YARS2: variants seen among roughly 807,000 people sequenced by gnomAD.
YARS2 encodes the protein tyrosyl-tRNA synthetase 2, also known as tyrosine--tRNA ligase, mitochondrial.
A neutral mutation model predicts 45.0 loss-of-function variants in YARS2; 38 were observed. That is an observed-to-expected ratio of 0.84 (90% CI 0.65 to 1.11). The LOEUF (loss-of-function observed/expected upper bound fraction) is 1.11, where lower values mean the gene tolerates loss of function less well. Among genes scored for constraint, YARS2 ranks in the 50% least tolerant of loss-of-function variants. The pLI is 0.00. For missense variants in YARS2, 602 were observed against 599.8 expected (o/e 1.00, Z -0.04); for synonymous variants, 287 against 245.1 (o/e 1.17, Z -1.60).
intron 4 of YARS2, among the ~76,000 whole-genome samples, chr12:32,748,798 A>T (rs897672143): frequency 6.8e-6 from 1 of 147,552 alleles, no homozygotes; most frequent in African/African-American, 2.5e-5. Context: ...AAGACAGTTG[A>T]AAGAGAACAA....
intron 2 of YARS2, among the ~76,000 whole-genome samples, chr12:32,753,517 T>C (rs1955788522): frequency 6.6e-6 from 1 of 152,194 alleles, no homozygotes; most frequent in Non-Finnish European, 1.5e-5. Flanking sequence ...TTCCAAGAGT[T>C]TAAGGCAATT....
At chr12:32,747,487 C>T in intron 4 of YARS2, 124 bp from the exon 5 acceptor site, 1 of 922,034 alleles carries the variant, frequency 1.1e-6, no homozygotes, top group South Asian at 1.4e-5. Flanking sequence ...TGGCACTGGA[C>T]TGTTACCTTC....
At chr12:32,753,151 T>TA (rs556053974) in intron 2 of YARS2, among the ~76,000 whole-genome samples, 50 of 148,310 alleles carry the variant, frequency 3.4e-4, no homozygotes, top group East Asian at 5.9e-4. Flanking sequence ...CCACCATTAC[T>TA]AAAAAAAAAA....
rs1307688126 is a variant in YARS2 at position 32,750,101 on chromosome 12, T to C, written c.1110A>G (p.Thr370=). ...REGLDSAKRC[T]QALYHSSIDA... is the part of the protein sequence containing the mutation. ...CTATGCTACTGTGATAAAGGGCTTG[T>C]GTACACCTGAAAAACACATTTTAAG... The change falls in exon 4 of 5, where the codon ACA becomes ACG. Residue 370 remains threonine, a synonymous_variant. Coordinates refer to ENST00000324868, the MANE Select transcript of YARS2 (RefSeq NM_001040436.3). 2 of 1,614,032 alleles carry C rather than the reference T, an allele frequency of 1.2e-6. No homozygotes were observed. Among genetic ancestry groups the C allele is most frequent in the Admixed American group, 3.3e-5 (2 of 60,002 alleles).
At chr12:32,754,263 CT>C (rs1955804069) in intron 1 of YARS2, among the ~76,000 whole-genome samples, 178 bp from the exon 2 acceptor site, 1 of 152,120 alleles carries the variant, frequency 6.6e-6, no homozygotes, top group Non-Finnish European at 1.5e-5. Flanking sequence ...CATTCTGAAC[CT>C]CATGAGTGGT....
chr12:32,755,318 A>C lies in YARS2; in HGVS notation c.557T>G (p.Leu186Arg), dbSNP rs951065790. 1.9e-6 allele frequency: 3 copies of C among 1,614,102 alleles called. No homozygotes were observed. The highest frequency in any genetic ancestry group is 1.7e-6 in the Non-Finnish European group (2 of 1,180,016). Residue 186 changes from leucine to arginine, a missense_variant, in exon 1 of 5, where the codon CTG (leucine) becomes CGG (arginine). Transcript: ENST00000324868. Reference protein sequence around the residue: ...WYQKQHLVDFLAAVGGHFRMG... With the variant: ...WYQKQHLVDFRAAVGGHFRMG... ...GCGGAAGTGACCCCCCACTGCCGCCAGGAAGTCCACCAGGTGCTGCTTCTG... is the reference window on the plus strand; with the variant it reads ...GCGGAAGTGACCCCCCACTGCCGCCCGGAAGTCCACCAGGTGCTGCTTCTG...
At chr12:32,752,507 C>T (rs1955764376) in intron 2 of YARS2, among the ~76,000 whole-genome samples, 1 of 152,042 alleles carries the variant, frequency 6.6e-6, no homozygotes, top group African/African-American at 2.4e-5. Context: ...GTAATCCCAG[C>T]ACTTTGGGAG....
Position 32,755,302 on chromosome 12 carries a change from A to T in YARS2, c.573T>A (p.Gly191=). The T allele has an allele frequency of 6.2e-7, 1 of 1,613,648 alleles. No homozygotes were observed. ...HLVDFLAAVG[G]HFRMGTLLSR... is the part of the protein sequence containing the mutation. ...TCAGCAGCGTCCCCATGCGGAAGTG[A>T]CCCCCCACTGCCGCCAGGAAGTCCA... The change falls in exon 1 of 5, where the codon GGT becomes GGA. Residue 191 remains glycine, a synonymous_variant. Transcript: ENST00000324868.
At chr12:32,755,000 C>G (rs1253613247) in intron 1 of YARS2, 96 bp downstream of exon 1, 2 of 1,512,848 alleles carry the variant, frequency 1.3e-6, no homozygotes, top group Non-Finnish European at 1.8e-6. Context: ...AGAGCTGGAA[C>G]GAAGGGCAGC....
intron 4 of YARS2, among the ~76,000 whole-genome samples, chr12:32,747,820 A>G (rs1955671885): frequency 6.6e-6 from 1 of 151,972 alleles, no homozygotes; most frequent in African/African-American, 2.4e-5. Flanking sequence ...ACAGGTGTGA[A>G]CCACTGTGTC....
chr12:32,751,857 C>T (rs10771989), intron 2 of YARS2, among the ~76,000 whole-genome samples: 24,567 of 152,162 alleles, frequency 0.16, 2,143 homozygotes, highest in African/African-American at 0.24. Context: ...GCTCCTGTTG[C>T]GCAGCCCTGT....
chr12:32,754,459 C>T (rs1305170269), intron 1 of YARS2, among the ~76,000 whole-genome samples: 2 of 152,192 alleles, frequency 1.3e-5, no homozygotes, highest in Admixed American at 1.3e-4. Flanking sequence ...CCCTATCCTT[C>T]ACCTCTCTCA....
In YARS2 at chr12:32,749,944, G is replaced by A; in HGVS notation, c.1267C>T (p.Pro423Ser). 6.2e-7 allele frequency: 1 copy of A among 1,614,020 alleles called. No individual in the cohort carries two copies. The highest frequency in any genetic ancestry group is 8.5e-7 in the Non-Finnish European group (1 of 1,179,998). The change falls in exon 4 of 5, where the codon CCC becomes TCC. Residue 423 changes from proline to serine, a missense_variant. Physicochemically the swap from Pro to Ser is moderately conservative, Grantham distance 74. Transcript: ENST00000324868. ...CRKANAIPDG[P>S]RGYRMITEGG... ...AAAGTTAAATAATCTTACCCTCGGG[G>A]ACCATCTGGAATGGCATTTGCTTTG...
chr12:32,749,207 C>A (rs778726498), intron 4 of YARS2, among the ~76,000 whole-genome samples: 20 of 152,082 alleles, frequency 1.3e-4, no homozygotes, highest in Admixed American at 3.9e-4. Flanking sequence ...GTTAGGTAAC[C>A]TTTCCCATCC....
chr12:32,749,708 G>A (rs1043053527), intron 4 of YARS2, among the ~76,000 whole-genome samples: 7 of 152,094 alleles, frequency 4.6e-5, no homozygotes, highest in Non-Finnish European at 1.0e-4. Context: ...AGCCTCCCAA[G>A]TAGCTGGGAC....
chr12:32,754,288 T>C (rs1389663747), intron 1 of YARS2, among the ~76,000 whole-genome samples: 1 of 152,176 alleles, frequency 6.6e-6, no homozygotes, highest in Non-Finnish European at 1.5e-5. Flanking sequence ...AGGCAGGTTC[T>C]AGGCAGGCCA....
At position 32,753,811 on chromosome 12, in the gene YARS2, A is replaced by G. The variant is rs1955792966; in HGVS notation, c.947+107T>C. On this transcript the variant is annotated intron_variant, in intron 2 of 4. Coordinates refer to ENST00000324868, the MANE Select transcript of YARS2 (RefSeq NM_001040436.3). Reference sequence around the variant, plus strand: ...TGTAATGGTTTATGTACAGACAGAAACTACGTTAAAAACAAAAAAACTATA... The same window carrying G: ...TGTAATGGTTTATGTACAGACAGAAGCTACGTTAAAAACAAAAAAACTATA... The G allele has an allele frequency of 3.5e-6, 5 of 1,429,672 alleles. No homozygotes were observed. In the South Asian group the frequency reaches 5.8e-5, roughly 17 times the overall value. 88.6% of individuals were successfully genotyped at this position (1,429,672 alleles called of 1,614,324 possible).
chr12:32,748,207 G>A (rs572541617), intron 4 of YARS2, among the ~76,000 whole-genome samples: 16 of 152,014 alleles, frequency 1.1e-4, no homozygotes, highest in South Asian at 2.1e-4. Flanking sequence ...GTCTCACTAC[G>A]TCCTTGCCCA....
In YARS2 at chr12:32,755,578, A is replaced by C; in HGVS notation, c.297T>G (p.Phe99Leu). The change falls in exon 1 of 5, where the codon TTT (phenylalanine) becomes TTG (leucine). Residue 99 changes from phenylalanine (F) to leucine (L), a missense_variant. By Grantham distance (22) the Phe-to-Leu change is conservative. Coordinates refer to ENST00000324868, the MANE Select transcript of YARS2 (RefSeq NM_001040436.3). ...CGTTGTGGCCCGCTCGCTGCAAATG[A>C]AACAGGCCCAGCAGCGCAAGTAGAT... ...VGHLLALLGLFHLQRAGHNVI... is the reference protein window; with the variant it reads ...VGHLLALLGLLHLQRAGHNVI... 6.2e-7 allele frequency: 1 copy of C among 1,613,856 alleles called. No individual in the cohort carries two copies.
Sources: gnomAD v4.1 joint callset for allele counts (sites outside exome capture counted in the v4.1 genomes callset) on GRCh38, gnomAD v4.1.1 for gene constraint, MANE v1.5 for transcripts, NCBI Gene and HGNC (gene_info 2026-07-23, HGNC 2026-07-21) for gene names.